The following RAB3B variants were observed in gnomAD, a reference collection of about 807,000 sequenced individuals.
RAB3B encodes the protein ras-related protein Rab-3B.
RAB3B carries 11 observed loss-of-function variants against 20.5 expected under a neutral mutation model. That is an observed-to-expected ratio of 0.54 (90% CI 0.34 to 0.89). RAB3B has a LOEUF of 0.89. Among genes scored for constraint, RAB3B ranks in the 40% least tolerant of loss-of-function variants. The pLI is 0.02. For missense variants in RAB3B, 225 were observed against 280.9 expected, an observed-to-expected ratio of 0.80 and a Z score of 1.42; for synonymous variants, 99 against 106.3, an observed-to-expected ratio of 0.93 and a Z score of 0.42.
chr1:51,984,912 A>C (rs1335507269), intron 1 of RAB3B, among the ~76,000 whole-genome samples: 1 of 152,190 alleles, frequency 6.6e-6, no homozygotes, highest in Non-Finnish European at 1.5e-5. Flanking sequence ...GGAAACTGAA[A>C]ATGAGAAATT....
intron 2 of RAB3B, among the ~76,000 whole-genome samples, chr1:51,974,985 G>A (rs187535070): frequency 3.9e-5 from 6 of 152,178 alleles, no homozygotes; most frequent in African/African-American, 1.2e-4. Flanking sequence ...AAACCAACAC[G>A]GGTGGATCAC....
At chr1:51,920,617 C>T (rs1395902460) in intron 4 of RAB3B, among the ~76,000 whole-genome samples, 8 of 152,182 alleles carry the variant, frequency 5.3e-5, no homozygotes, top group African/African-American at 1.9e-4. Context: ...GAAGGAGTCT[C>T]AGTCAGATCC....
chr1:51,950,744 C>G (rs1278686717), intron 2 of RAB3B, among the ~76,000 whole-genome samples: 1 of 152,148 alleles, frequency 6.6e-6, no homozygotes, highest in Non-Finnish European at 1.5e-5. Context: ...TCAATCCAGG[C>G]AAGATTAGTG....
chr1:51,952,784 A>C (rs966098364), intron 2 of RAB3B, among the ~76,000 whole-genome samples: 1 of 152,208 alleles, frequency 6.6e-6, no homozygotes, highest in Admixed American at 6.5e-5. Flanking sequence ...TAAATTAAAA[A>C]CATGACATCA....
chr1:51,977,060 C>T lies in RAB3B; in HGVS notation c.58G>A (p.Asp20Asn). Residue 20 changes from aspartate (D) to asparagine (N), a missense_variant, in exon 2 of 5, where the codon GAC becomes AAC. Asp to Asn is a conservative substitution (Grantham distance 23). Coordinates refer to ENST00000371655, the MANE Select transcript of RAB3B (RefSeq NM_002867.4). ...ATGATAAGCAGTTTAAACATGTAGT[C>T]AAAATTCTGGTCAGAGGCATCTTTG... ...GVKDASDQNF[D>N]YMFKLLIIGN... is the part of the protein sequence containing the mutation. 1.2e-6 allele frequency: 2 copies of T among 1,614,176 alleles called. No homozygotes were observed. Among genetic ancestry groups the T allele is most frequent in the Non-Finnish European group, 1.7e-6 (2 of 1,180,022 alleles).
intron 2 of RAB3B, among the ~76,000 whole-genome samples, chr1:51,973,183 C>T (rs1197759632): frequency 6.6e-6 from 1 of 152,164 alleles, no homozygotes; most frequent in Non-Finnish European, 1.5e-5. Flanking sequence ...GTAGGTACAG[C>T]ACACACAGTA....
In RAB3B at chr1:51,983,247, G is replaced by A. The variant is rs1052335731; in HGVS notation, c.1-6130C>T. On this transcript the variant is annotated intron_variant, in intron 1 of 4. Coordinates refer to ENST00000371655, the MANE Select transcript of RAB3B (RefSeq NM_002867.4). ...CAGATACCTGTAATCCCAGCTACTC[G>A]GGAGGCTGAGGTTGCAGTGAGCTGA... Among the ~76,000 whole-genome samples, 10 of 151,784 alleles carry A rather than the reference G, an allele frequency of 6.6e-5. No homozygotes were observed. In the South Asian group the frequency reaches 8.3e-4, roughly 13 times the overall value.
At chr1:51,936,508 G>A (rs1226896063) in intron 3 of RAB3B, among the ~76,000 whole-genome samples, 1 of 152,114 alleles carries the variant, frequency 6.6e-6, no homozygotes, top group Non-Finnish European at 1.5e-5. Context: ...TAATTCATAC[G>A]TCATCACCTA....
intron 2 of RAB3B, among the ~76,000 whole-genome samples, chr1:51,969,651 C>T (rs575489177): frequency 1.3e-5 from 2 of 152,098 alleles, no homozygotes; most frequent in South Asian, 4.1e-4. Context: ...ATCTCTCTGA[C>T]TCCTGCATCT....
intron 4 of RAB3B, among the ~76,000 whole-genome samples, chr1:51,920,805 A>T (rs1255627439): frequency 6.6e-6 from 1 of 151,990 alleles, no homozygotes; most frequent in African/African-American, 2.4e-5. Context: ...TCTAGGAGGC[A>T]CCTCAAGATT....
chr1:51,976,084 C>A (rs1303775394), intron 2 of RAB3B, among the ~76,000 whole-genome samples: 1 of 152,158 alleles, frequency 6.6e-6, no homozygotes, highest in African/African-American at 2.4e-5. Context: ...GAGGCCCCAA[C>A]CACTCCCAAA....
intron 1 of RAB3B, among the ~76,000 whole-genome samples, chr1:51,986,598 G>C (rs1685155043): frequency 6.6e-6 from 1 of 152,172 alleles, no homozygotes; most frequent in South Asian, 2.1e-4. Context: ...GGGTGACAGA[G>C]TGAGACCCTA....
chr1:51,984,014 C>T (rs1685120756), intron 1 of RAB3B, among the ~76,000 whole-genome samples: 1 of 151,702 alleles, frequency 6.6e-6, no homozygotes, highest in African/African-American at 2.4e-5. Context: ...CCTGTAATCC[C>T]AGCACTTTGG....
At position 51,963,972 on chromosome 1, in the gene RAB3B, C is replaced by CG. The variant is rs1288400462; in HGVS notation, c.228+12917dup. Among the ~76,000 whole-genome samples, 3 of 152,160 alleles carry CG rather than the reference C, an allele frequency of 2.0e-5. No individual in the cohort carries two copies. The South Asian group carries it at 6.2e-4, about 32-fold the overall frequency. On this transcript the variant is annotated intron_variant, in intron 2 of 4. Coordinates refer to ENST00000371655, the MANE Select transcript of RAB3B (RefSeq NM_002867.4). ...TCTATTCAATTGTTCTACCACCATA[C>CG]GAACGTGCTGCTACTTCTCAAATCT...
At chr1:51,981,554 G>C (rs763521127) in intron 1 of RAB3B, among the ~76,000 whole-genome samples, 1 of 152,012 alleles carries the variant, frequency 6.6e-6, no homozygotes, top group Non-Finnish European at 1.5e-5. Context: ...ATGCATTCTA[G>C]TCTATACCTT....
chr1:51,958,655 G>GGAGGTTGCGGTGAGCC (rs1221429023), intron 2 of RAB3B, among the ~76,000 whole-genome samples: 29 of 152,060 alleles, frequency 1.9e-4, no homozygotes. Context: ...CCCGGGAGGC[G>GGAGGTTGCGGTGAGCC]GAGGTTGCGG....
At chr1:51,988,035 G>A (rs188839569) in intron 1 of RAB3B, among the ~76,000 whole-genome samples, 64 of 151,464 alleles carry the variant, frequency 4.2e-4, no homozygotes, top group Non-Finnish European at 6.6e-4. Context: ...GAGCCACTGC[G>A]CTTGACCCAC....
intron 2 of RAB3B, among the ~76,000 whole-genome samples, chr1:51,964,346 T>C (rs1021695599): frequency 1.1e-4 from 16 of 152,318 alleles, no homozygotes; most frequent in Admixed American, 2.6e-4. Flanking sequence ...TTGCTCTTTT[T>C]CAGTCTCCTT....
intron 1 of RAB3B, among the ~76,000 whole-genome samples, chr1:51,984,093 T>A (rs994338325): frequency 2.0e-5 from 3 of 151,170 alleles, no homozygotes; most frequent in African/African-American, 7.3e-5. Context: ...TGAAACCCCA[T>A]CTCTACTAAA....
Sources: allele counts gnomAD v4.1 joint callset (sites outside exome capture counted in the v4.1 genomes callset), GRCh38; gene constraint gnomAD v4.1.1; transcripts MANE v1.5; gene names NCBI Gene and HGNC (gene_info 2026-07-23, HGNC 2026-07-21).